Variants in SMOC2 observed in about 807,000 individuals in gnomAD.
The protein encoded by SMOC2 is SPARC-related modular calcium-binding protein 2.
Under a neutral mutation model 61.4 loss-of-function variants are expected in SMOC2, and 39 were observed. The observed-to-expected ratio is 0.64, with a 90% confidence interval of 0.49 to 0.83. The LOEUF is 0.83. Among genes scored for constraint, SMOC2 ranks in the 40% least tolerant of loss-of-function variants. The probability of loss-of-function intolerance (pLI) is 0.00; values close to 1 mark genes in which losing one functional copy is unlikely to be tolerated. For missense variants in SMOC2, 556 were observed against 592.9 expected (o/e 0.94, Z 0.65); for synonymous variants, 247 against 239.9 (o/e 1.03, Z -0.27).
chr6:168,610,755 G>A (rs1250319619), intron 9 of SMOC2, among the ~76,000 whole-genome samples: 1 of 152,048 alleles, frequency 6.6e-6, no homozygotes, highest in Non-Finnish European at 1.5e-5. Context: ...GTCTTTGGAG[G>A]CCATCATTTT....
chr6:168,599,218 A>C (rs1213341879), intron 8 of SMOC2, among the ~76,000 whole-genome samples: 1 of 138,700 alleles, frequency 7.2e-6, no homozygotes. Context: ...TCATACCCAC[A>C]CACACCCATG....
At chr6:168,639,467 A>G (rs6455540) in intron 9 of SMOC2, among the ~76,000 whole-genome samples, 110,473 of 152,144 alleles carry the variant, frequency 0.73, 41,212 homozygotes, top group African/African-American at 0.9. Flanking sequence ...GGTATCTGGG[A>G]TAACCGTCAA....
intron 7 of SMOC2, among the ~76,000 whole-genome samples, chr6:168,556,699 G>T (rs544411986): frequency 6.6e-6 from 1 of 151,088 alleles, no homozygotes; most frequent in Non-Finnish European, 1.5e-5. Flanking sequence ...CCATTAACTC[G>T]TCATTTAACA....
chr6:168,655,491 G>A, intron 11 of SMOC2: 1 of 451,714 alleles, frequency 2.2e-6, no homozygotes. Flanking sequence ...AGACAGCACT[G>A]TGAGATGCGT....
chr6:168,459,510 A>G (rs1048766489), intron 1 of SMOC2, among the ~76,000 whole-genome samples: 2 of 151,856 alleles, frequency 1.3e-5, no homozygotes, highest in East Asian at 3.9e-4. Flanking sequence ...TGTGAAAATG[A>G]AGCAGAACTT....
At chr6:168,651,617 C>G (rs1787194505) in intron 10 of SMOC2, among the ~76,000 whole-genome samples, 1 of 152,148 alleles carries the variant, frequency 6.6e-6, no homozygotes, top group Non-Finnish European at 1.5e-5. Flanking sequence ...ATTATCTCAG[C>G]CACTTTAGGT....
chr6:168,526,111 G>T (rs1276124001), intron 2 of SMOC2, among the ~76,000 whole-genome samples: 2 of 152,198 alleles, frequency 1.3e-5, no homozygotes, highest in East Asian at 1.9e-4. Flanking sequence ...GAATGGGCCT[G>T]CCCTTCCCGC....
At chr6:168,563,448 T>TAC (rs139733519) in intron 7 of SMOC2, among the ~76,000 whole-genome samples, 11 of 151,998 alleles carry the variant, frequency 7.2e-5, no homozygotes, top group Admixed American at 6.6e-4. Flanking sequence ...TACACAGTCA[T>TAC]ACACACACAC....
chr6:168,487,056 G>A (rs932620490), intron 1 of SMOC2, among the ~76,000 whole-genome samples: 3 of 152,164 alleles, frequency 2.0e-5, no homozygotes, highest in Admixed American at 6.5e-5. Flanking sequence ...CATGGCCCTC[G>A]CTGGCCTTTG....
intron 7 of SMOC2, among the ~76,000 whole-genome samples, chr6:168,562,698 G>T (rs1291323848): frequency 2.6e-5 from 4 of 152,168 alleles, no homozygotes; most frequent in Non-Finnish European, 2.9e-5. Flanking sequence ...AGGTAGGACG[G>T]CTTAAAATGG....
At chr6:168,481,076 A>G (rs1782196492) in intron 1 of SMOC2, among the ~76,000 whole-genome samples, 1 of 152,200 alleles carries the variant, frequency 6.6e-6, no homozygotes, top group African/African-American at 2.4e-5. Context: ...TTCCTGTAAG[A>G]AATGCTAAAG....
intron 11 of SMOC2, among the ~76,000 whole-genome samples, chr6:168,656,507 T>TAAAAAAAAA (rs5881805): frequency 1.2e-5 from 1 of 86,812 alleles, no homozygotes; most frequent in East Asian, 4.6e-4. Context: ...GACTTTGTGT[T>TAAAAAAAAA]AAAAAAAAAA....
chr6:168,528,048 T>G (rs1314700935), intron 4 of SMOC2, among the ~76,000 whole-genome samples: 1 of 152,246 alleles, frequency 6.6e-6, no homozygotes, highest in African/African-American at 2.4e-5. Context: ...CCGCAAGGAC[T>G]TGGAGTCACC....
At chr6:168,454,871 C>T (rs1781547941) in intron 1 of SMOC2, among the ~76,000 whole-genome samples, 1 of 152,188 alleles carries the variant, frequency 6.6e-6, no homozygotes, top group Non-Finnish European at 1.5e-5. Flanking sequence ...GCAGATGCTA[C>T]AGGTGCACAT....
In SMOC2 at chr6:168,466,572, C is replaced by T. The variant is rs897345526; in HGVS notation, c.84+25118C>T. Among the ~76,000 whole-genome samples, 21 of 152,242 alleles carry T rather than the reference C, an allele frequency of 1.4e-4. 1 individual carries two copies. The highest frequency in any genetic ancestry group is 1.5e-5 in the Non-Finnish European group (1 of 68,034). On this transcript the variant is annotated intron_variant, in intron 1 of 12. Transcript: ENST00000356284. ...GAGGAGGTCACTTCCAACTTTCTCC[C>T]TTTGCTCTTCTCAGTTGTAGTGAGT...
intron 1 of SMOC2, among the ~76,000 whole-genome samples, chr6:168,505,646 T>C (rs981399462): frequency 3.3e-5 from 5 of 152,274 alleles, no homozygotes; most frequent in African/African-American, 7.2e-5. Context: ...TGGAAAGTTA[T>C]GTTTTCCTTT....
At chr6:168,557,958 C>T (rs536439333) in intron 7 of SMOC2, among the ~76,000 whole-genome samples, 18 of 152,310 alleles carry the variant, frequency 1.2e-4, no homozygotes, top group African/African-American at 3.6e-4. Context: ...TCCTGCGGCC[C>T]GCAGATTGAC....
intron 9 of SMOC2, among the ~76,000 whole-genome samples, chr6:168,616,118 G>A (rs1157905391): frequency 6.6e-6 from 1 of 152,172 alleles, no homozygotes; most frequent in Non-Finnish European, 1.5e-5. Flanking sequence ...AAGGTGACAC[G>A]AGGTGTCAAT....
At position 168,453,726 on chromosome 6, in the gene SMOC2, C is replaced by T. The variant is rs899969914; in HGVS notation, c.84+12272C>T. Reference sequence around the variant, plus strand: ...TTGATCTCTGCCATTCTACATACTACATCTCTGTCTATCTCTGTCTCTCTG... The same window carrying T: ...TTGATCTCTGCCATTCTACATACTATATCTCTGTCTATCTCTGTCTCTCTG... On this transcript the variant is annotated intron_variant, in intron 1 of 12. Coordinates refer to ENST00000356284, the MANE Select transcript of SMOC2 (RefSeq NM_001166412.2). This position sits in a 1 kb window ranked among gnomAD's most constrained non-coding sequence, Gnocchi z 4.4. Among the ~76,000 whole-genome samples the T allele has an allele frequency of 1.3e-5, 2 of 151,834 alleles. No individual in the cohort carries two copies. Among genetic ancestry groups the T allele is most frequent in the Admixed American group, 6.6e-5 (1 of 15,264 alleles).
Sources: gnomAD v4.1 joint callset for allele counts (sites outside exome capture counted in the v4.1 genomes callset) on GRCh38, gnomAD v4.1.1 for gene constraint, Gnocchi (gnomAD v3.1) non-coding constraint, MANE v1.5 for transcripts, NCBI Gene and HGNC (gene_info 2026-07-23, HGNC 2026-07-21) for gene names.